CACNB4: variants seen among roughly 807,000 people sequenced by gnomAD.
CACNB4 encodes calcium voltage-gated channel auxiliary subunit beta 4, also known as voltage-dependent L-type calcium channel subunit beta-4.
In CACNB4, 32 loss-of-function variants were observed where a neutral mutation model predicts 71.2. That is an observed-to-expected ratio of 0.45 (90% CI 0.34 to 0.60). The LOEUF is 0.60. Among genes scored for constraint, CACNB4 ranks in the 20% least tolerant of loss-of-function variants. CACNB4 has a pLI of 0.01. For missense variants in CACNB4, 464 were observed against 647.9 expected (o/e 0.72, Z 3.08); for synonymous variants, 231 against 236.9 (o/e 0.97, Z 0.23).
intron 2 of CACNB4, among the ~76,000 whole-genome samples, chr2:151,884,566 C>T (rs563495547): frequency 1.5e-4 from 20 of 136,110 alleles, no homozygotes; most frequent in Admixed American, 5.1e-4. Context: ...ACCCCGGAGG[C>T]GGAGCTTGCA....
intron 2 of CACNB4, among the ~76,000 whole-genome samples, chr2:152,041,114 A>G (rs571447425): frequency 3.9e-5 from 6 of 152,298 alleles, no homozygotes; most frequent in Admixed American, 3.9e-4. Flanking sequence ...ACCTCGGATA[A>G]AGCTCTTCCT....
chr2:152,035,351 G>A (rs762393346), intron 2 of CACNB4, among the ~76,000 whole-genome samples: 12 of 152,110 alleles, frequency 7.9e-5, no homozygotes, highest in Non-Finnish European at 1.5e-4. Context: ...ACCTGAGGTC[G>A]GGAGTTCAAG....
chr2:152,084,527 T>C (rs1239708197), intron 2 of CACNB4, among the ~76,000 whole-genome samples: 4 of 152,188 alleles, frequency 2.6e-5, no homozygotes, highest in African/African-American at 9.6e-5. Flanking sequence ...TAAGGTCCTA[T>C]GTCTCTAGGT....
chr2:151,913,590 C>A (rs551437483), intron 2 of CACNB4, among the ~76,000 whole-genome samples: 1 of 151,884 alleles, frequency 6.6e-6, no homozygotes, highest in African/African-American at 2.4e-5. Context: ...ATGGTGAAAA[C>A]CCATCTCTAC....
intron 2 of CACNB4, among the ~76,000 whole-genome samples, chr2:151,965,262 C>T (rs540174942): frequency 6.4e-4 from 97 of 152,164 alleles, no homozygotes; most frequent in Non-Finnish European, 1.1e-3. Context: ...TTACTTCATG[C>T]GAACATTATT....
intron 2 of CACNB4, among the ~76,000 whole-genome samples, chr2:151,899,149 TG>T (rs1208894910): frequency 5.9e-5 from 9 of 152,220 alleles, no homozygotes; most frequent in African/African-American, 2.2e-4. Flanking sequence ...TTCTTCTAGC[TG>T]GTGTTGCATG....
At chr2:152,087,162 G>A (rs560265607) in intron 2 of CACNB4, among the ~76,000 whole-genome samples, 3 of 151,526 alleles carry the variant, frequency 2.0e-5, no homozygotes, top group Non-Finnish European at 4.4e-5. Flanking sequence ...GCTAGGCACG[G>A]TGGCTCATGC....
chr2:152,092,832 T>C (rs759886758), intron 2 of CACNB4, among the ~76,000 whole-genome samples: 1 of 151,406 alleles, frequency 6.6e-6, no homozygotes, highest in Non-Finnish European at 1.5e-5. Flanking sequence ...TACATATATA[T>C]ACATATATAT....
chr2:151,833,083 CTA>C lies in CACNB4; in HGVS notation c.*6034_*6035del, dbSNP rs1296231877. ...GGGGACAAATTATTAAAATAAATAA[CTA>C]AAATTTAAAGAAAGAAAAAAAATTA... is the stretch of plus-strand genomic sequence containing the variant. On this transcript the variant is annotated 3_prime_UTR_variant, in exon 14 of 14. Transcript: ENST00000539935. The C allele has an allele frequency of 6.6e-6, 1 of 151,738 alleles. No individual in the cohort carries two copies. The highest frequency in any genetic ancestry group is 1.5e-5 in the Non-Finnish European group (1 of 67,882). The allele number at this position is 151,738 out of a possible 1,614,324, so 9.4% of individuals were successfully genotyped here. A position where few individuals can be genotyped will look rare whatever the true frequency, so the allele number is the denominator to read the frequency against.
chr2:151,916,094 A>G (rs1171998917), intron 2 of CACNB4, among the ~76,000 whole-genome samples: 1 of 152,104 alleles, frequency 6.6e-6, no homozygotes, highest in East Asian at 1.9e-4. Context: ...AACTTTGATG[A>G]GAGAACCTGG....
Position 151,928,752 on chromosome 2 carries a change from C to T in CACNB4, c.148-45382G>A, listed in dbSNP as rs112897578. 8.6e-3 allele frequency among the ~76,000 whole-genome samples: 1,309 copies of T among 152,046 alleles called. 14 individuals are homozygous for T. Among genetic ancestry groups the T allele is most frequent in the African/African-American group, 0.03 (1,228 of 41,456 alleles). Reference sequence around the variant, plus strand: ...CCAGCCTGGGCAACATGGTGAAACCCTGTCTCTAAAAAAATACAAAAATTA... The same window carrying T: ...CCAGCCTGGGCAACATGGTGAAACCTTGTCTCTAAAAAAATACAAAAATTA... On this transcript the variant is annotated intron_variant, in intron 2 of 13. Coordinates refer to ENST00000539935, the MANE Select transcript of CACNB4 (RefSeq NM_000726.5).
At chr2:152,019,072 G>A (rs1024470674) in intron 2 of CACNB4, among the ~76,000 whole-genome samples, 7 of 152,066 alleles carry the variant, frequency 4.6e-5, no homozygotes, top group African/African-American at 1.7e-4. Context: ...TCTGCTGCTT[G>A]GAAAATGTAG....
At chr2:152,093,881 G>A (rs1299956538) in intron 2 of CACNB4, among the ~76,000 whole-genome samples, 1 of 152,228 alleles carries the variant, frequency 6.6e-6, no homozygotes, top group African/African-American at 2.4e-5. Flanking sequence ...GGGGAGGTTA[G>A]GAGGCAATTT....
At chr2:151,861,904 C>A (rs1009903944) in intron 9 of CACNB4, among the ~76,000 whole-genome samples, 4 of 150,302 alleles carry the variant, frequency 2.7e-5, no homozygotes, top group Non-Finnish European at 2.9e-5. Flanking sequence ...AGAGGGGCAT[C>A]TATTTGCATA....
chr2:151,892,138 G>C (rs2099850862), intron 2 of CACNB4, among the ~76,000 whole-genome samples: 1 of 152,158 alleles, frequency 6.6e-6, no homozygotes, highest in African/African-American at 2.4e-5. Flanking sequence ...ATACTGATGA[G>C]GCGCTGATCA....
At chr2:151,916,795 A>T (rs151329610) in intron 2 of CACNB4, among the ~76,000 whole-genome samples, 1 of 152,350 alleles carries the variant, frequency 6.6e-6, no homozygotes, top group Non-Finnish European at 1.5e-5. Flanking sequence ...CCCCCAAGGG[A>T]CATTTCACAA....
chr2:152,061,966 C>T (rs936412202), intron 2 of CACNB4, among the ~76,000 whole-genome samples: 5 of 150,908 alleles, frequency 3.3e-5, no homozygotes, highest in African/African-American at 9.7e-5. Context: ...GAGCGGAGAT[C>T]GCGCCACTGT....
At chr2:151,950,459 T>C (rs542370237) in intron 2 of CACNB4, among the ~76,000 whole-genome samples, 1 of 152,320 alleles carries the variant, frequency 6.6e-6, no homozygotes, top group Admixed American at 6.5e-5. Flanking sequence ...TCCCAGCCAC[T>C]TGACTCCTAG....
chr2:151,901,173 C>A (rs1278483760), intron 2 of CACNB4, among the ~76,000 whole-genome samples: 1 of 151,802 alleles, frequency 6.6e-6, no homozygotes, highest in Non-Finnish European at 1.5e-5. Context: ...TTTGTAGAGA[C>A]AGGGTTTTGC....
Sources: allele counts gnomAD v4.1 joint callset (sites outside exome capture counted in the v4.1 genomes callset), GRCh38; gene constraint gnomAD v4.1.1; transcripts MANE v1.5; gene names NCBI Gene and HGNC (gene_info 2026-07-23, HGNC 2026-07-21).